The following GABRG2 variants were observed in gnomAD, a reference collection of about 807,000 sequenced individuals.
GABRG2 encodes gamma-aminobutyric acid receptor subunit gamma-2.
In GABRG2, 16 loss-of-function variants were observed where a neutral mutation model predicts 56.4. The observed-to-expected ratio is 0.28, with a 90% CI of 0.19 to 0.43. The LOEUF (loss-of-function observed/expected upper bound fraction) is 0.43, where lower values mean the gene tolerates loss of function less well. Among genes scored for constraint, GABRG2 ranks in the 20% least tolerant of loss-of-function variants. The pLI is 1.00. For missense variants in GABRG2, 327 were observed against 582.7 expected (o/e 0.56, Z 4.52); for synonymous variants, 208 against 205.5 (o/e 1.01, Z -0.10).
intron 1 of GABRG2, among the ~76,000 whole-genome samples, chr5:162,069,123 C>CT (rs1487973903): frequency 2.4e-4 from 37 of 152,236 alleles, no homozygotes; most frequent in Middle Eastern, 6.8e-3. Flanking sequence ...TTTACTTGAA[C>CT]TTTCCTGAGC....
intron 1 of GABRG2, among the ~76,000 whole-genome samples, chr5:162,077,315 T>A (rs890515349): frequency 1.3e-5 from 2 of 152,186 alleles, no homozygotes; most frequent in African/African-American, 4.8e-5. Context: ...CAACATAATA[T>A]TTCTGAGATA....
At chr5:162,121,658 A>G (rs979462226) in intron 6 of GABRG2, among the ~76,000 whole-genome samples, 2 of 152,092 alleles carry the variant, frequency 1.3e-5, no homozygotes, top group African/African-American at 4.8e-5. Context: ...AATGCCATGA[A>G]CATCCAATTT....
At position 162,148,426 on chromosome 5, in the gene GABRG2, C is replaced by T. The variant is rs1039615593; in HGVS notation, c.923-682C>T. On this transcript the variant is annotated intron_variant, in intron 7 of 9. Transcript: ENST00000639213. ...TTACTTCTGAGATACTTATTTTAATCCTATAATAATCTAAAAAGAATCCAT... is the reference window on the plus strand; with the variant it reads ...TTACTTCTGAGATACTTATTTTAATTCTATAATAATCTAAAAAGAATCCAT... Among the ~76,000 whole-genome samples the T allele has an allele frequency of 3.6e-5, 5 of 137,886 alleles. No homozygotes were observed. In the South Asian group the frequency reaches 1.2e-3, roughly 32 times the overall value. The allele number at this position is 137,886 out of a possible 152,430, so 90.5% of individuals were successfully genotyped here.
chr5:162,126,475 T>C (rs1763347829), intron 6 of GABRG2, among the ~76,000 whole-genome samples: 1 of 151,996 alleles, frequency 6.6e-6, no homozygotes, highest in Non-Finnish European at 1.5e-5. Flanking sequence ...GAGACTCCAC[T>C]TGACATCTTT....
At chr5:162,078,063 T>C (rs1191470615) in intron 1 of GABRG2, among the ~76,000 whole-genome samples, 1 of 151,984 alleles carries the variant, frequency 6.6e-6, no homozygotes, top group Non-Finnish European at 1.5e-5. Context: ...TGATGTATAA[T>C]GGGAGGGATC....
At chr5:162,071,129 A>G (rs1301871421) in intron 1 of GABRG2, among the ~76,000 whole-genome samples, 2 of 151,582 alleles carry the variant, frequency 1.3e-5, no homozygotes, top group African/African-American at 4.8e-5. Flanking sequence ...AAAAAATAAA[A>G]CATATATACA....
chr5:162,100,302 ATAC>A (rs1028871932), intron 4 of GABRG2: 1 of 152,204 alleles, frequency 6.6e-6, no homozygotes, highest in African/African-American at 2.4e-5. Flanking sequence ...ATTAAAAATT[ATAC>A]TAATTAGAAA....
chr5:162,079,273 G>A (rs1056509318), intron 1 of GABRG2, among the ~76,000 whole-genome samples: 1 of 152,080 alleles, frequency 6.6e-6, no homozygotes. Flanking sequence ...CTCAAATGAG[G>A]ATGGAAAGAT....
chr5:162,069,918 A>T (rs970357165), intron 1 of GABRG2, among the ~76,000 whole-genome samples: 7 of 152,160 alleles, frequency 4.6e-5, no homozygotes, highest in Non-Finnish European at 1.0e-4. Context: ...TGTGGATTAA[A>T]ATCTAGACAA....
chr5:162,098,071 G>C, intron 4 of GABRG2: 1 of 575,880 alleles, frequency 1.7e-6, no homozygotes, highest in South Asian at 2.1e-5. Flanking sequence ...TATAGGCAAA[G>C]CTTATTTTCC....
chr5:162,140,961 A>T (rs1764517172), intron 6 of GABRG2, among the ~76,000 whole-genome samples: 1 of 152,132 alleles, frequency 6.6e-6, no homozygotes, highest in Non-Finnish European at 1.5e-5. Flanking sequence ...CTACATGGTT[A>T]TTCCTTTATT....
chr5:162,130,075 CA>C (rs1444559866), intron 6 of GABRG2, among the ~76,000 whole-genome samples: 2 of 151,710 alleles, frequency 1.3e-5, no homozygotes, highest in Non-Finnish European at 2.9e-5. Context: ...TTTTTCGAAC[CA>C]ACTCTATATA....
At chr5:162,145,033 T>C (rs999679259) in intron 7 of GABRG2, among the ~76,000 whole-genome samples, 4 of 152,166 alleles carry the variant, frequency 2.6e-5, no homozygotes, top group Non-Finnish European at 5.9e-5. Context: ...CTAGACTTCA[T>C]TGAGTCCCAT....
In GABRG2 at chr5:162,153,147, A is replaced by G. The variant is rs757868774; in HGVS notation, c.1207A>G (p.Thr403Ala). 5.3e-5 allele frequency: 86 copies of G among 1,613,980 alleles called. No homozygotes were observed. The highest frequency in any genetic ancestry group is 3.0e-4 in the Admixed American group (18 of 59,986). Reference protein sequence around the residue: ...RSATIQMNNATHLQERDEEYG... With the variant: ...RSATIQMNNAAHLQERDEEYG... Reference sequence around the variant, plus strand: ...AGCAACCATTCAAATGAATAATGCTACACACCTTCAAGAGAGAGATGAAGA... The same window carrying G: ...AGCAACCATTCAAATGAATAATGCTGCACACCTTCAAGAGAGAGATGAAGA... Residue 403 changes from threonine (T) to alanine (A), a missense_variant, in exon 10 of 10, where the codon ACA becomes GCA. Transcript: ENST00000639213.
At position 162,075,551 on chromosome 5, in the gene GABRG2, C is replaced by T. The variant is rs74473298; in HGVS notation, c.107+7445C>T. Among the ~76,000 whole-genome samples the T allele has an allele frequency of 7.2e-5, 11 of 152,116 alleles. No individual in the cohort carries two copies. In the East Asian group the frequency reaches 2.1e-3, roughly 29 times the overall value. On this transcript the variant is annotated intron_variant, in intron 1 of 9. Transcript: ENST00000639213. ...TATCTCTCTCAGCTAGAAGCCAGGA[C>T]CCACAACAGAAGAGATGCCATTGAT...
intron 6 of GABRG2, among the ~76,000 whole-genome samples, chr5:162,134,984 A>G (rs1764016228): frequency 6.6e-6 from 1 of 152,292 alleles, no homozygotes; most frequent in East Asian, 1.9e-4. Context: ...TTAAAATTAT[A>G]TTTCCCTCAA....
chr5:162,070,488 C>G (rs958771380), intron 1 of GABRG2, among the ~76,000 whole-genome samples: 1 of 151,530 alleles, frequency 6.6e-6, no homozygotes, highest in African/African-American at 2.4e-5. Flanking sequence ...TGAAATAATA[C>G]TTTTGTGGTA....
At chr5:162,101,566 T>C (rs1761418671) in intron 5 of GABRG2, 1 of 509,680 alleles carries the variant, frequency 2.0e-6, no homozygotes, top group Non-Finnish European at 3.5e-6. Context: ...TTTAATATAT[T>C]GGTTGCATAG....
chr5:162,124,048 C>A (rs567137749), intron 6 of GABRG2, among the ~76,000 whole-genome samples: 15 of 151,814 alleles, frequency 9.9e-5, no homozygotes, highest in Non-Finnish European at 1.5e-4. Context: ...AGTAGAGGGC[C>A]TGAGAGGCAT....
Sources: gnomAD v4.1 joint callset for allele counts (sites outside exome capture counted in the v4.1 genomes callset) on GRCh38, gnomAD v4.1.1 for gene constraint, MANE v1.5 for transcripts, NCBI Gene and HGNC (gene_info 2026-07-23, HGNC 2026-07-21) for gene names.